Variants in CYFIP2 observed in about 807,000 individuals in gnomAD.
CYFIP2 encodes cytoplasmic FMR1-interacting protein 2.
In CYFIP2, 29 loss-of-function variants were observed where a neutral mutation model predicts 158.7. The observed-to-expected ratio is 0.18, with a 90% CI of 0.14 to 0.25. CYFIP2 has a LOEUF of 0.25. Among genes scored for constraint, CYFIP2 ranks in the 10% least tolerant of loss-of-function variants. The pLI is 1.00. For synonymous variants in CYFIP2, 585 were observed against 617.6 expected, an observed-to-expected ratio of 0.95 and a Z score of 0.78; for missense variants, 852 against 1,639.5, an observed-to-expected ratio of 0.52 and a Z score of 8.29.
intron 26 of CYFIP2, chr5:157,365,396 C>T (rs959566602): frequency 7.9e-5 from 12 of 152,082 alleles, no homozygotes; most frequent in Non-Finnish European, 1.5e-5. Context: ...ATAAATTTAA[C>T]AGTTGATCAC....
intron 23 of CYFIP2, among the ~76,000 whole-genome samples, chr5:157,358,283 C>T (rs561742928): frequency 1.2e-4 from 19 of 152,296 alleles, no homozygotes; most frequent in South Asian, 1.0e-3. Flanking sequence ...TGGGGTTCAG[C>T]GGACAATGGT....
intron 1 of CYFIP2, among the ~76,000 whole-genome samples, chr5:157,280,429 G>C (rs1756904484): frequency 1.4e-5 from 2 of 148,060 alleles, no homozygotes; most frequent in African/African-American, 2.5e-5. Flanking sequence ...TGACCAGGCT[G>C]GTCAGGCTGG....
At chr5:157,327,651 C>T (rs13154298) in intron 18 of CYFIP2, among the ~76,000 whole-genome samples, 13,537 of 152,032 alleles carry the variant, frequency 0.089, 728 homozygotes, top group Middle Eastern at 0.17. Flanking sequence ...GCCGAGTTAG[C>T]GGACGAATTT....
chr5:157,367,823 C>A (rs928172525), intron 26 of CYFIP2, among the ~76,000 whole-genome samples: 2 of 144,190 alleles, frequency 1.4e-5, no homozygotes, highest in Non-Finnish European at 3.0e-5. Context: ...GGCATGATCT[C>A]GGCTCACTGT....
intron 26 of CYFIP2, among the ~76,000 whole-genome samples, chr5:157,368,407 T>G (rs1378966778): frequency 2.0e-5 from 3 of 152,006 alleles, no homozygotes; most frequent in African/African-American, 4.8e-5. Flanking sequence ...CTGTGCTTGA[T>G]CCAGGATGAT....
intron 2 of CYFIP2, 129 bp from the exon 3 acceptor site, chr5:157,286,890 A>G (rs1173501287): frequency 1.1e-5 from 7 of 634,744 alleles, no homozygotes; most frequent in Non-Finnish European, 2.0e-5. Flanking sequence ...GCAAGATGAA[A>G]GGTGACGCAG....
At chr5:157,314,942 C>A (rs371957942) in intron 12 of CYFIP2, 27 bp from the exon 13 acceptor site, 2 of 1,535,044 alleles carry the variant, frequency 1.3e-6, no homozygotes, top group South Asian at 2.4e-5. Flanking sequence ...AGTTGATGGA[C>A]GTTTGGTTTG....
rs374484481 is a variant in CYFIP2 at position 157,390,514 on chromosome 5, C to G, written c.3447-7C>G. On this transcript the variant is annotated splice_region_variant and splice_polypyrimidine_tract_variant and intron_variant, in intron 29 of 30. Coordinates refer to ENST00000620254, the MANE Select transcript of CYFIP2 (RefSeq NM_001037333.3). ...TCACTCCAGCTGCTTCCTCCCCCTGCTCCCAGGCAGTGTTTCGGCGATGGC... is the reference window on the plus strand; with the variant it reads ...TCACTCCAGCTGCTTCCTCCCCCTGGTCCCAGGCAGTGTTTCGGCGATGGC... 816 of 1,549,336 alleles carry G rather than the reference C, an allele frequency of 5.3e-4. 6 individuals carry two copies. The highest frequency in any genetic ancestry group is 4.3e-4 in the South Asian group (36 of 83,930).
chr5:157,372,616 G>T (rs1173231517), intron 26 of CYFIP2, among the ~76,000 whole-genome samples: 2 of 152,086 alleles, frequency 1.3e-5, no homozygotes, highest in Non-Finnish European at 2.9e-5. Context: ...TCTATTCTTG[G>T]TAACATATAT....
chr5:157,375,671 G>A (rs957476449), intron 26 of CYFIP2: 1 of 146,974 alleles, frequency 6.8e-6, no homozygotes, highest in Non-Finnish European at 1.5e-5. Context: ...GCTGTTGTTA[G>A]TGTATTTTAT....
intron 28 of CYFIP2, among the ~76,000 whole-genome samples, chr5:157,384,033 G>GT (rs1362637427): frequency 6.6e-6 from 1 of 152,170 alleles, no homozygotes; most frequent in Non-Finnish European, 1.5e-5. Context: ...TGTCTACCTA[G>GT]TTTATCATGG....
intron 5 of CYFIP2, among the ~76,000 whole-genome samples, 170 bp from the exon 6 acceptor site, chr5:157,300,533 CAAAAAAAAAAAA>C (rs72316432): frequency 3.3e-5 from 4 of 121,216 alleles, no homozygotes; most frequent in Non-Finnish European, 6.9e-5. Context: ...GACTCCGTCT[CAAAAAAAAAAAA>C]AAAAGAAAAA....
chr5:157,356,366 T>C (rs1763410589), intron 23 of CYFIP2, among the ~76,000 whole-genome samples: 1 of 152,200 alleles, frequency 6.6e-6, no homozygotes, highest in Non-Finnish European at 1.5e-5. Flanking sequence ...CACCTCCTAA[T>C]ACTATCATAT....
intron 3 of CYFIP2, among the ~76,000 whole-genome samples, chr5:157,287,470 C>T (rs1217077867): frequency 6.6e-6 from 1 of 152,072 alleles, no homozygotes; most frequent in East Asian, 1.9e-4. Flanking sequence ...GCAAAAGGTT[C>T]CTTGAAAAAG....
intron 15 of CYFIP2, among the ~76,000 whole-genome samples, chr5:157,322,133 C>CA (rs1760643267): frequency 6.6e-6 from 1 of 152,164 alleles, no homozygotes; most frequent in Non-Finnish European, 1.5e-5. Flanking sequence ...GTGGCACAGA[C>CA]ATGTTGAATA....
chr5:157,313,288 C>T (rs1759886559), intron 11 of CYFIP2, among the ~76,000 whole-genome samples: 1 of 152,256 alleles, frequency 6.6e-6, no homozygotes, highest in South Asian at 2.1e-4. Context: ...TTGATGTGAT[C>T]TCTGTTGTTG....
chr5:157,293,756 G>A (rs1384645513), intron 3 of CYFIP2, among the ~76,000 whole-genome samples: 1 of 152,178 alleles, frequency 6.6e-6, no homozygotes, highest in Non-Finnish European at 1.5e-5. Flanking sequence ...AGTAAAGAAA[G>A]AGTTTAATCA....
chr5:157,305,239 A>G (rs1271173289), intron 8 of CYFIP2, among the ~76,000 whole-genome samples: 1 of 152,212 alleles, frequency 6.6e-6, no homozygotes, highest in Non-Finnish European at 1.5e-5. Context: ...TTTTCATACA[A>G]TAACTTCTCT....
At chr5:157,274,005 G>T (rs1259291469) in intron 1 of CYFIP2, among the ~76,000 whole-genome samples, 1 of 151,974 alleles carries the variant, frequency 6.6e-6, no homozygotes, top group Non-Finnish European at 1.5e-5. Context: ...CATGGTGGCA[G>T]GTGCCTGTAA....
Sources: allele counts gnomAD v4.1 joint callset (sites outside exome capture counted in the v4.1 genomes callset), GRCh38; gene constraint gnomAD v4.1.1; transcripts MANE v1.5; gene names NCBI Gene and HGNC (gene_info 2026-07-23, HGNC 2026-07-21).